Variants in SARDH observed in about 807,000 individuals in gnomAD.
SARDH encodes sarcosine dehydrogenase, also known as sarcosine dehydrogenase, mitochondrial.
A neutral mutation model predicts 109.1 loss-of-function variants in SARDH; 95 were observed. The observed-to-expected ratio is 0.87, with a 90% CI of 0.74 to 1.03. The LOEUF (loss-of-function observed/expected upper bound fraction) is 1.03. SARDH is among the 50% of genes least tolerant of loss of function. SARDH has a pLI of 0.00. For missense variants in SARDH, 1,267 were observed against 1,287.8 expected, an observed-to-expected ratio of 0.98 and a Z score of 0.25; for synonymous variants, 572 against 534.8, an observed-to-expected ratio of 1.07 and a Z score of -0.96.
intron 17 of SARDH, among the ~76,000 whole-genome samples, chr9:133,678,101 C>T (rs1372660928): frequency 6.6e-6 from 1 of 152,218 alleles, no homozygotes; most frequent in Non-Finnish European, 1.5e-5. Context: ...GACCCCCCAC[C>T]TTGCCTGTCC....
At chr9:133,699,876 A>T (rs1202353180) in intron 13 of SARDH, among the ~76,000 whole-genome samples, 1 of 152,222 alleles carries the variant, frequency 6.6e-6, no homozygotes, top group Non-Finnish European at 1.5e-5. Context: ...ACCCATAAGA[A>T]ATTATAACAT....
At chr9:133,667,067 CGAGT>C (rs1194398124) in intron 19 of SARDH, 197 bp from the exon 20 acceptor site, 20 of 647,434 alleles carry the variant, frequency 3.1e-5, no homozygotes, top group African/African-American at 5.5e-5. Flanking sequence ...GCTCGGGCTT[CGAGT>C]GAGTAAAAGG....
intron 7 of SARDH, among the ~76,000 whole-genome samples, 172 bp from the exon 8 acceptor site, chr9:133,717,627 A>G (rs1468544101): frequency 6.8e-6 from 1 of 147,482 alleles, no homozygotes; most frequent in Non-Finnish European, 1.5e-5. Flanking sequence ...CCACCAACCC[A>G]TCAGCAAGGT....
chr9:133,680,231 G>A (rs190036541), intron 17 of SARDH, among the ~76,000 whole-genome samples: 1 of 152,330 alleles, frequency 6.6e-6, no homozygotes, highest in Non-Finnish European at 1.5e-5. Flanking sequence ...CCAGAGAGGC[G>A]ACCCGCAGAA....
At chr9:133,700,782 C>G (rs537462410) in intron 13 of SARDH, among the ~76,000 whole-genome samples, 57 of 152,248 alleles carry the variant, frequency 3.7e-4, no homozygotes, top group African/African-American at 1.3e-3. Flanking sequence ...ATTTCCTTCC[C>G]CAGGTTTACA....
intron 2 of SARDH, 133 bp downstream of exon 2, chr9:133,733,710 G>A: frequency 1.2e-6 from 1 of 867,482 alleles, no homozygotes. Flanking sequence ...CTGCAAACTG[G>A]CCATGCACCC....
chr9:133,664,950 A>C (rs1290879540), intron 20 of SARDH, among the ~76,000 whole-genome samples: 2 of 152,168 alleles, frequency 1.3e-5, no homozygotes, highest in Non-Finnish European at 2.9e-5. Context: ...TACGAGGCAG[A>C]AACGCCTTCC....
At chr9:133,710,807 C>T (rs1831890613) in intron 10 of SARDH, among the ~76,000 whole-genome samples, 1 of 152,266 alleles carries the variant, frequency 6.6e-6, no homozygotes, top group Admixed American at 6.5e-5. Context: ...TCCACTCTGG[C>T]ACACTGAAGG....
Position 133,704,866 on chromosome 9 carries a change from G to A in SARDH, c.1554+82C>T. The A allele has an allele frequency of 1.6e-6, 2 of 1,226,742 alleles. No individual in the cohort carries two copies. The highest frequency in any genetic ancestry group is 2.3e-6 in the Non-Finnish European group (2 of 857,688). 76.0% of individuals were successfully genotyped at this position (1,226,742 alleles called of 1,614,324 possible). A position where few individuals can be genotyped will look rare whatever the true frequency, so the allele number is the denominator to read the frequency against. On this transcript the variant is annotated intron_variant, in intron 12 of 20. Transcript: ENST00000439388. This position sits in a 1 kb window ranked among gnomAD's most constrained non-coding sequence, Gnocchi z 4.5. ...CCTGGGGAGGCGGGGCACACGGAGG[G>A]GCAAGGACGGGGCACGTGGAGGGGC... is the stretch of plus-strand genomic sequence containing the variant.
intron 8 of SARDH, 88 bp downstream of exon 8, chr9:133,717,238 C>A (rs1832156853): frequency 1.3e-6 from 2 of 1,525,716 alleles, no homozygotes; most frequent in Admixed American, 1.8e-5. Context: ...CTGTGTGACA[C>A]AGGCTGGTCT....
intron 11 of SARDH, 61 bp downstream of exon 11, chr9:133,708,226 T>C: frequency 6.5e-6 from 10 of 1,544,732 alleles, no homozygotes; most frequent in Non-Finnish European, 8.7e-6. Context: ...GTCACTCCGC[T>C]GCCCTGAGGA....
At chr9:133,664,357 G>A (rs140297371) in intron 20 of SARDH, among the ~76,000 whole-genome samples, 74 of 152,344 alleles carry the variant, frequency 4.9e-4, no homozygotes, top group African/African-American at 1.3e-3. Flanking sequence ...CAAGCACAGC[G>A]GCCAGAGCAG....
intron 15 of SARDH, among the ~76,000 whole-genome samples, chr9:133,690,888 T>A (rs1423514095): frequency 6.6e-6 from 1 of 151,952 alleles, no homozygotes; most frequent in Non-Finnish European, 1.5e-5. Flanking sequence ...GCTTCTCACC[T>A]CTCTGAGCCC....
At chr9:133,673,163 C>T (rs956378448) in intron 17 of SARDH, among the ~76,000 whole-genome samples, 2 of 152,250 alleles carry the variant, frequency 1.3e-5, no homozygotes, top group African/African-American at 2.4e-5. Context: ...GGCTAGCACT[C>T]GGCTGCGTGG....
intron 17 of SARDH, among the ~76,000 whole-genome samples, chr9:133,683,173 C>T (rs946166230): frequency 6.6e-6 from 1 of 152,162 alleles, no homozygotes; most frequent in East Asian, 1.9e-4. Context: ...GCAGCCACTG[C>T]CTAGGCTTGG....
chr9:133,683,673 C>T (rs893702681), intron 17 of SARDH, among the ~76,000 whole-genome samples: 2 of 152,220 alleles, frequency 1.3e-5, no homozygotes, highest in East Asian at 1.9e-4. Flanking sequence ...GAGAGCAGAG[C>T]CGCTGGGATC....
upstream of SARDH, among the ~76,000 whole-genome samples, chr9:133,739,507 C>T (rs1017559603): frequency 1.4e-4 from 21 of 152,330 alleles, no homozygotes; most frequent in Non-Finnish European, 2.2e-4. Flanking sequence ...GGGAGAGACA[C>T]GACACCACAA....
rs549564780 is a variant in SARDH, at chr9:133,708,792, G to A, written c.1329-364C>T. Among the ~76,000 whole-genome samples, 84 of 152,268 alleles carry A rather than the reference G, an allele frequency of 5.5e-4. No individual in the cohort carries two copies. The East Asian group carries it at 0.013, about 23-fold the overall frequency. On this transcript the variant is annotated intron_variant, in intron 10 of 20. Coordinates refer to ENST00000439388, the MANE Select transcript of SARDH (RefSeq NM_001134707.2). ...GCCCCTACATGACTGGGGAGGGAGCGGCCCCTGGGAGGGATGGGCTCAGAT... is the reference window on the plus strand; with the variant it reads ...GCCCCTACATGACTGGGGAGGGAGCAGCCCCTGGGAGGGATGGGCTCAGAT...
At chr9:133,729,979 C>G (rs966872490) in intron 5 of SARDH, 85 bp downstream of exon 5, 98 of 1,593,280 alleles carry the variant, frequency 6.2e-5, no homozygotes, top group Non-Finnish European at 8.1e-5. Context: ...CTCCCCACCC[C>G]AGAAAGAAGC....
Sources: gnomAD v4.1 joint callset for allele counts (sites outside exome capture counted in the v4.1 genomes callset) on GRCh38, gnomAD v4.1.1 for gene constraint, Gnocchi (gnomAD v3.1) non-coding constraint, MANE v1.5 for transcripts, NCBI Gene and HGNC (gene_info 2026-07-23, HGNC 2026-07-21) for gene names.